The following GRID1 variants were observed in gnomAD, a reference collection of about 807,000 sequenced individuals.
The protein encoded by GRID1 is glutamate receptor ionotropic, delta-1.
Under a neutral mutation model 98.0 loss-of-function variants are expected in GRID1, and 28 were observed. The ratio of observed to expected loss-of-function variants is 0.29; its 90% CI spans 0.21 to 0.39. GRID1 has a LOEUF of 0.39. Ranked by LOEUF, GRID1 falls within the 10% of genes least tolerant of loss-of-function variation. The pLI is 1.00. For synonymous variants in GRID1, 553 were observed against 538.5 expected, an observed-to-expected ratio of 1.03 and a Z score of -0.37; for missense variants, 1,111 against 1,340.5, an observed-to-expected ratio of 0.83 and a Z score of 2.67.
intron 4 of GRID1, among the ~76,000 whole-genome samples, chr10:85,991,168 T>A (rs1842674792): frequency 6.6e-6 from 1 of 152,118 alleles, no homozygotes; most frequent in African/African-American, 2.4e-5. Context: ...CTGGCTTCCT[T>A]CTGGCTGGGT....
At chr10:85,769,264 G>A (rs1301520046) in intron 8 of GRID1, among the ~76,000 whole-genome samples, 3 of 152,196 alleles carry the variant, frequency 2.0e-5, no homozygotes, top group African/African-American at 7.2e-5. Flanking sequence ...CAGAACAGAA[G>A]ACCAAATACT....
chr10:86,327,580 T>G (rs931779198), intron 2 of GRID1, among the ~76,000 whole-genome samples: 1 of 152,200 alleles, frequency 6.6e-6, no homozygotes, highest in Non-Finnish European at 1.5e-5. Flanking sequence ...CCATTGTTAA[T>G]TGTGTTTGCA....
At chr10:85,763,035 G>T (rs1842161384) in intron 8 of GRID1, among the ~76,000 whole-genome samples, 1 of 152,148 alleles carries the variant, frequency 6.6e-6, no homozygotes, top group Non-Finnish European at 1.5e-5. Flanking sequence ...TGGAGGGGTG[G>T]ACAGCAAACA....
chr10:85,864,495 C>A (rs978563027), intron 6 of GRID1, among the ~76,000 whole-genome samples: 4 of 152,222 alleles, frequency 2.6e-5, no homozygotes, highest in Admixed American at 2.6e-4. Context: ...AGAACACTTG[C>A]GCAATTGTCT....
intron 12 of GRID1, among the ~76,000 whole-genome samples, chr10:85,691,215 C>T (rs1841328076): frequency 6.6e-6 from 1 of 152,194 alleles, no homozygotes; most frequent in African/African-American, 2.4e-5. Context: ...ACATTATTGT[C>T]TGTTAATGCC....
chr10:85,714,940 T>C (rs1387016289), intron 12 of GRID1, among the ~76,000 whole-genome samples: 1 of 152,068 alleles, frequency 6.6e-6, no homozygotes, highest in African/African-American at 2.4e-5. Context: ...CAATGCAATC[T>C]TAAACAAGAG....
chr10:86,222,031 G>C (rs1589416156), intron 2 of GRID1, among the ~76,000 whole-genome samples: 1 of 152,164 alleles, frequency 6.6e-6, no homozygotes, highest in African/African-American at 2.4e-5. Flanking sequence ...GGGAAGAAGG[G>C]GACAGGCCAA....
intron 8 of GRID1, among the ~76,000 whole-genome samples, chr10:85,777,657 A>G (rs1200864200): frequency 1.3e-5 from 2 of 152,234 alleles, no homozygotes; most frequent in African/African-American, 4.8e-5. Flanking sequence ...GGAAATTGCC[A>G]ATTTACTTGC....
At chr10:85,975,257 G>C (rs1397036761) in intron 4 of GRID1, among the ~76,000 whole-genome samples, 1 of 152,134 alleles carries the variant, frequency 6.6e-6, no homozygotes, top group East Asian at 1.9e-4. Context: ...CCCTTATTTT[G>C]ACAAAAACAC....
At chr10:85,874,735 C>T (rs750458313) in intron 5 of GRID1, among the ~76,000 whole-genome samples, 3 of 152,130 alleles carry the variant, frequency 2.0e-5, no homozygotes, top group African/African-American at 4.8e-5. Flanking sequence ...ACTACATGAA[C>T]GTTTCATGTG....
At chr10:85,696,194 G>C (rs750434554) in intron 12 of GRID1, among the ~76,000 whole-genome samples, 1 of 152,052 alleles carries the variant, frequency 6.6e-6, no homozygotes, top group African/African-American at 2.4e-5. Context: ...TAGATCCATG[G>C]ATTTTATTGC....
At chr10:85,991,829 A>C (rs1842684107) in intron 4 of GRID1, among the ~76,000 whole-genome samples, 2 of 152,110 alleles carry the variant, frequency 1.3e-5, no homozygotes, top group African/African-American at 4.8e-5. Context: ...ATCAGGAGAA[A>C]CAGAGCAATC....
intron 8 of GRID1, among the ~76,000 whole-genome samples, chr10:85,846,034 G>T (rs1407460417): frequency 6.6e-6 from 1 of 152,174 alleles, no homozygotes; most frequent in African/African-American, 2.4e-5. Flanking sequence ...TGTGAGTGTT[G>T]TCTGTATGTA....
intron 2 of GRID1, among the ~76,000 whole-genome samples, chr10:86,310,049 T>C (rs1208058279): frequency 6.6e-6 from 1 of 152,156 alleles, no homozygotes; most frequent in Non-Finnish European, 1.5e-5. Flanking sequence ...CAGCCTCAGC[T>C]CCACCACCTG....
At chr10:86,351,035 T>C (rs10887582) in intron 2 of GRID1, among the ~76,000 whole-genome samples, 63,088 of 152,136 alleles carry the variant, frequency 0.41, 14,274 homozygotes, top group Admixed American at 0.53. Context: ...AGTGAGAACA[T>C]GCAGATGCCT....
At chr10:86,077,782 T>A (rs1003943568) in intron 4 of GRID1, among the ~76,000 whole-genome samples, 14 of 152,152 alleles carry the variant, frequency 9.2e-5, no homozygotes, top group African/African-American at 3.1e-4. Context: ...AATACATAGA[T>A]TGAAAGCAGA....
At chr10:86,233,496 G>A (rs1846488396) in intron 2 of GRID1, among the ~76,000 whole-genome samples, 2 of 152,046 alleles carry the variant, frequency 1.3e-5, no homozygotes, top group Admixed American at 6.5e-5. Flanking sequence ...GGCCTCATAG[G>A]TGCCCCCTTC....
intron 3 of GRID1, among the ~76,000 whole-genome samples, chr10:86,164,089 C>T (rs1232905748): frequency 2.0e-5 from 3 of 152,174 alleles, no homozygotes; most frequent in East Asian, 1.9e-4. Context: ...GCACTTTTGC[C>T]GGTGCACCAG....
At chr10:85,987,714 G>T (rs1426664301) in intron 4 of GRID1, among the ~76,000 whole-genome samples, 1 of 151,270 alleles carries the variant, frequency 6.6e-6, no homozygotes, top group Admixed American at 6.6e-5. Flanking sequence ...AATCCAGGAT[G>T]CTCCTCCCAT....
Sources: gnomAD v4.1 joint callset for allele counts (sites outside exome capture counted in the v4.1 genomes callset) on GRCh38, gnomAD v4.1.1 for gene constraint, MANE v1.5 for transcripts, NCBI Gene and HGNC (gene_info 2026-07-23, HGNC 2026-07-21) for gene names.